Variants in ITPR1 observed in about 807,000 individuals in gnomAD.
ITPR1 encodes inositol 1,4,5-trisphosphate receptor type 1, also known as inositol 1,4,5-trisphosphate-gated calcium channel ITPR1.
Under a neutral mutation model 318.4 loss-of-function variants are expected in ITPR1, and 96 were observed. The ratio of observed to expected loss-of-function variants is 0.30; its 90% CI spans 0.26 to 0.36. ITPR1 has a LOEUF of 0.36. ITPR1 is among the 10% of genes least tolerant of loss of function. ITPR1 has a pLI of 1.00. For missense variants in ITPR1, 2,440 were observed against 3,460.2 expected, an observed-to-expected ratio of 0.71 and a Z score of 7.40; for synonymous variants, 1,312 against 1,289.9, an observed-to-expected ratio of 1.02 and a Z score of -0.37.
chr3:4,814,217 A>G, intron 57 of ITPR1: 1 of 589,170 alleles, frequency 1.7e-6, no homozygotes, highest in Non-Finnish European at 3.0e-6. Flanking sequence ...CCATAGCTGG[A>G]GAAATTAGCG....
At chr3:4,600,025 G>A (rs969394309) in intron 4 of ITPR1, among the ~76,000 whole-genome samples, 5 of 152,102 alleles carry the variant, frequency 3.3e-5, no homozygotes, top group African/African-American at 7.2e-5. Flanking sequence ...GTGCTTTATC[G>A]CTGTTATTTG....
At chr3:4,501,390 A>C (rs1297570009) in intron 2 of ITPR1, among the ~76,000 whole-genome samples, 1 of 152,224 alleles carries the variant, frequency 6.6e-6, no homozygotes, top group Non-Finnish European at 1.5e-5. Context: ...GACCAGCGTT[A>C]CTGACATTAA....
chr3:4,733,211 G>T lies in ITPR1; in HGVS notation c.5344G>T (p.Gly1782Trp). The change falls in exon 43 of 62, where the codon GGG becomes TGG. Residue 1782 changes from glycine (G) to tryptophan (W), a missense_variant. Gly to Trp is a radical substitution (Grantham distance 184). Transcript: ENST00000649015. ...PLSAGGPGKP[G>W]GGGGGSGSSS... ...GTCAGCAGGAGGACCCGGCAAGCCC[G>T]GGGGAGGAGGTACGCTTTGTGGTGT... 6.2e-7 allele frequency: 1 copy of T among 1,613,908 alleles called. No individual in the cohort carries two copies. The highest frequency in any genetic ancestry group is 1.1e-5 in the South Asian group (1 of 91,078).
In ITPR1 at chr3:4,683,401, A is replaced by T. The variant is rs939874874; in HGVS notation, c.3177A>T (p.Pro1059=). The change falls in exon 27 of 62, where the codon CCA becomes CCT. Residue 1059 remains proline (P), a synonymous_variant. Transcript: ENST00000649015. ...GIFGGSEENT[P]LDLDDHGGRT... is the part of the protein sequence containing the mutation. ...GCTCCTTTAGTGAGGAGAACACCCC[A>T]CTGGACTTGGATGACCACGGCGGCA... 3.1e-6 allele frequency: 5 copies of T among 1,613,946 alleles called. No individual in the cohort carries two copies. In the East Asian group the frequency reaches 1.1e-4, roughly 36 times the overall value.
At chr3:4,821,712 A>G (rs946995426) in intron 60 of ITPR1, among the ~76,000 whole-genome samples, 3 of 152,072 alleles carry the variant, frequency 2.0e-5, no homozygotes, top group Non-Finnish European at 4.4e-5. Flanking sequence ...CAGATACTTC[A>G]CCTTTCCTAA....
intron 4 of ITPR1, among the ~76,000 whole-genome samples, chr3:4,569,187 T>C (rs1486229062): frequency 6.6e-6 from 1 of 151,926 alleles, no homozygotes; most frequent in East Asian, 1.9e-4. Context: ...TCTTGTAGAA[T>C]CCAGGGGGAT....
chr3:4,591,734 G>C (rs1460078405), intron 4 of ITPR1, among the ~76,000 whole-genome samples: 4 of 152,168 alleles, frequency 2.6e-5, no homozygotes, highest in Non-Finnish European at 5.9e-5. Context: ...AGAAGCTTAT[G>C]ATCACTTGTA....
intron 44 of ITPR1, among the ~76,000 whole-genome samples, chr3:4,758,968 T>C (rs1397098237): frequency 3.3e-5 from 5 of 152,248 alleles, no homozygotes; most frequent in Non-Finnish European, 5.9e-5. Context: ...GCTACTCAGA[T>C]GCAAAGTGCT....
rs374505267 is a variant in ITPR1 at position 4,723,320 on chromosome 3, A to G, written c.5137-2226A>G. Among the ~76,000 whole-genome samples the G allele has an allele frequency of 1.8e-4, 28 of 152,330 alleles. 1 individual carries two copies. Among genetic ancestry groups the G allele is most frequent in the African/African-American group, 5.8e-4 (24 of 41,558 alleles). The stretch of plus-strand genomic sequence containing the variant: ...CTCATGCAGTGCTCTGGGGTTTTCC[A>G]GTCTATTCCACGAAGGGATCACATT... On this transcript the variant is annotated intron_variant, in intron 40 of 61. Coordinates refer to ENST00000649015, the MANE Select transcript of ITPR1 (RefSeq NM_001378452.1).
chr3:4,582,085 A>C (rs1429491023), intron 4 of ITPR1, among the ~76,000 whole-genome samples: 2 of 152,066 alleles, frequency 1.3e-5, no homozygotes, highest in Non-Finnish European at 2.9e-5. Context: ...GCTATGTGTG[A>C]GACTTGAATA....
intron 4 of ITPR1, among the ~76,000 whole-genome samples, chr3:4,589,733 A>T (rs530252659): frequency 6.6e-6 from 1 of 151,926 alleles, no homozygotes; most frequent in South Asian, 2.1e-4. Context: ...TCAACCCTGG[A>T]TGACTGCTCA....
chr3:4,572,190 C>G (rs946546266), intron 4 of ITPR1, among the ~76,000 whole-genome samples: 1 of 152,180 alleles, frequency 6.6e-6, no homozygotes, highest in Non-Finnish European at 1.5e-5. Flanking sequence ...AGACTTCTCC[C>G]TTGAACTCCA....
Position 4,602,766 on chromosome 3 carries a change from C to G in ITPR1, c.164-24997C>G, listed in dbSNP as rs577609403. On this transcript the variant is annotated intron_variant, in intron 4 of 61. Coordinates refer to ENST00000649015, the MANE Select transcript of ITPR1 (RefSeq NM_001378452.1). The stretch of plus-strand genomic sequence containing the variant: ...GTGAAAGAAGCCTGTCACAAAAAGG[C>G]TACCTATTTTGTGATTCTATTTATG... Among the ~76,000 whole-genome samples the G allele has an allele frequency of 2.0e-5, 3 of 152,086 alleles. No individual in the cohort carries two copies. The East Asian group carries it at 5.8e-4, about 29-fold the overall frequency.
In ITPR1 at chr3:4,572,994, C is replaced by T. The variant is rs115528797; in HGVS notation, c.163+51900C>T. Among the ~76,000 whole-genome samples, 1,219 of 152,308 alleles carry T rather than the reference C, an allele frequency of 8.0e-3. 15 individuals carry two copies. Among genetic ancestry groups the T allele is most frequent in the African/African-American group, 0.028 (1,145 of 41,558 alleles). ...GTTTGGTTTATCCATTCATTTATCA[C>T]GGGGCATCTGGGTTGCCTCTACCTT... is the stretch of plus-strand genomic sequence containing the variant. On this transcript the variant is annotated intron_variant, in intron 4 of 61. Coordinates refer to ENST00000649015, the MANE Select transcript of ITPR1 (RefSeq NM_001378452.1).
At chr3:4,555,447 C>T (rs979571177) in intron 4 of ITPR1, among the ~76,000 whole-genome samples, 3 of 152,132 alleles carry the variant, frequency 2.0e-5, no homozygotes, top group Non-Finnish European at 2.9e-5. Flanking sequence ...TTCTTAAACC[C>T]GTAATTATTA....
chr3:4,584,620 G>C (rs1026793511), intron 4 of ITPR1, among the ~76,000 whole-genome samples: 1 of 152,064 alleles, frequency 6.6e-6, no homozygotes, highest in East Asian at 1.9e-4. Flanking sequence ...GGGGGCCGAA[G>C]GAAACGTTTT....
At chr3:4,723,230 G>A (rs993832694) in intron 40 of ITPR1, among the ~76,000 whole-genome samples, 1 of 152,238 alleles carries the variant, frequency 6.6e-6, no homozygotes, top group East Asian at 1.9e-4. Flanking sequence ...GAGAGGTTCA[G>A]TGACTGGCTC....
intron 4 of ITPR1, among the ~76,000 whole-genome samples, chr3:4,609,869 C>T (rs564722781): frequency 2.6e-5 from 4 of 152,286 alleles, no homozygotes; most frequent in African/African-American, 9.6e-5. Flanking sequence ...GCCAAACCAG[C>T]AGTGACAGCT....
chr3:4,702,424 T>G (rs762396222), intron 35 of ITPR1, among the ~76,000 whole-genome samples: 1 of 152,176 alleles, frequency 6.6e-6, no homozygotes, highest in Non-Finnish European at 1.5e-5. Context: ...TTGGGGTCAG[T>G]CTGCCTCAAT....
Sources: allele counts gnomAD v4.1 joint callset (sites outside exome capture counted in the v4.1 genomes callset), GRCh38; gene constraint gnomAD v4.1.1; transcripts MANE v1.5; gene names NCBI Gene and HGNC (gene_info 2026-07-23, HGNC 2026-07-21).